The following BBS9 variants were observed in gnomAD, a reference collection of about 807,000 sequenced individuals.
BBS9 encodes protein PTHB1.
Under a neutral mutation model 117.7 loss-of-function variants are expected in BBS9, and 89 were observed. The observed-to-expected ratio is 0.76, with a 90% CI of 0.64 to 0.90. The LOEUF is 0.90. BBS9 is among the 40% of genes least tolerant of loss of function. BBS9 has a pLI of 0.00. For missense variants in BBS9, 982 were observed against 1,042.2 expected (o/e 0.94, Z 0.80); for synonymous variants, 379 against 370.9 (o/e 1.02, Z -0.25).
intron 5 of BBS9, among the ~76,000 whole-genome samples, chr7:33,226,750 C>T (rs552568337): frequency 2.6e-5 from 4 of 152,140 alleles, no homozygotes; most frequent in Non-Finnish European, 5.9e-5. Context: ...ATGGATGAAC[C>T]TTGGAGATAT....
chr7:33,352,937 G>T, intron 15 of BBS9, 64 bp downstream of exon 15: 1 of 1,517,894 alleles, frequency 6.6e-7, no homozygotes, highest in Non-Finnish European at 9.1e-7. Context: ...AATTGAATTG[G>T]TATTATACCA....
intron 9 of BBS9, among the ~76,000 whole-genome samples, chr7:33,289,319 T>C (rs536672884): frequency 1.3e-5 from 2 of 152,338 alleles, no homozygotes; most frequent in Admixed American, 1.3e-4. Flanking sequence ...ACTTGAGTCT[T>C]TGGAAAACTA....
chr7:33,261,397 G>A (rs1031598088), intron 6 of BBS9, among the ~76,000 whole-genome samples: 2 of 152,302 alleles, frequency 1.3e-5, no homozygotes, highest in South Asian at 2.1e-4. Context: ...ATAAAAGAGT[G>A]AAAAGTGTAT....
At chr7:33,151,504 C>T (rs909070163) in intron 2 of BBS9, among the ~76,000 whole-genome samples, 4 of 151,952 alleles carry the variant, frequency 2.6e-5, no homozygotes, top group African/African-American at 7.3e-5. Flanking sequence ...TGTAAGCCTC[C>T]AGTATTGAAG....
intron 9 of BBS9, among the ~76,000 whole-genome samples, chr7:33,320,163 C>A (rs1477044298): frequency 6.6e-6 from 1 of 152,050 alleles, no homozygotes; most frequent in Non-Finnish European, 1.5e-5. Flanking sequence ...ACTTTAGTCA[C>A]CCTGTTGTGC....
intron 19 of BBS9, among the ~76,000 whole-genome samples, chr7:33,473,629 T>C (rs776608615): frequency 7.4e-4 from 113 of 152,322 alleles, no homozygotes; most frequent in Non-Finnish European, 1.3e-3. Context: ...TCAGCCAACA[T>C]TTTAATAAAT....
intron 1 of BBS9, among the ~76,000 whole-genome samples, chr7:33,133,009 T>C (rs1562644600): frequency 6.6e-6 from 1 of 152,210 alleles, no homozygotes; most frequent in Non-Finnish European, 1.5e-5. Context: ...AGGCTGGTCC[T>C]GAACTCCTTA....
chr7:33,529,661 G>A (rs1031394758), intron 20 of BBS9, among the ~76,000 whole-genome samples: 1 of 144,442 alleles, frequency 6.9e-6, no homozygotes, highest in African/African-American at 2.6e-5. Context: ...CCCCACCGCT[G>A]TTGTTTTCTA....
chr7:33,599,159 G>T (rs1333737594), intron 21 of BBS9, among the ~76,000 whole-genome samples: 4 of 152,122 alleles, frequency 2.6e-5, no homozygotes, highest in Non-Finnish European at 5.9e-5. Flanking sequence ...AATTCACCTG[G>T]GGTAGAATCA....
chr7:33,191,730 A>G (rs1350282794), intron 5 of BBS9, among the ~76,000 whole-genome samples: 1 of 152,208 alleles, frequency 6.6e-6, no homozygotes, highest in African/African-American at 2.4e-5. Context: ...TGCTTTGCAA[A>G]ATCATTTGTC....
intron 5 of BBS9, among the ~76,000 whole-genome samples, chr7:33,213,881 C>T (rs1026616207): frequency 3.3e-5 from 5 of 152,062 alleles, no homozygotes; most frequent in African/African-American, 7.2e-5. Context: ...CTTTACTCCT[C>T]GTTCTCTTCT....
chr7:33,133,666 G>A (rs921409923), intron 1 of BBS9, among the ~76,000 whole-genome samples: 16 of 152,088 alleles, frequency 1.1e-4, no homozygotes, highest in African/African-American at 3.4e-4. Flanking sequence ...ATATTCCACT[G>A]TATGGATGCT....
At chr7:33,183,020 A>T (rs1301886212) in intron 5 of BBS9, among the ~76,000 whole-genome samples, 1 of 152,172 alleles carries the variant, frequency 6.6e-6, no homozygotes, top group Non-Finnish European at 1.5e-5. Flanking sequence ...ACATGGAAAG[A>T]GCTGAGTGTC....
At chr7:33,530,393 CTAATA>C (rs1192256786) in intron 20 of BBS9, among the ~76,000 whole-genome samples, 1 of 152,198 alleles carries the variant, frequency 6.6e-6, no homozygotes, top group African/African-American at 2.4e-5. Context: ...CTTAAATTAT[CTAATA>C]TGTTACTGTA....
rs201415758 is a variant in BBS9 at position 33,146,339 on chromosome 7, T to C, written c.87T>C (p.Asn29=). The C allele has an allele frequency of 1.2e-6, 2 of 1,613,916 alleles. No individual in the cohort carries two copies. The highest frequency in any genetic ancestry group is 1.7e-6 in the Non-Finnish European group (2 of 1,179,818). The change falls in exon 2 of 23, where the codon AAT becomes AAC. Residue 29 remains asparagine, a synonymous_variant. Transcript: ENST00000242067. The stretch of plus-strand genomic sequence containing the variant: ...ATCAAGGCTGTTTGTGTCTGGCTAA[T>C]GTTGACAATAGTGGAAATGGACAAG... ...EFDQGCLCLA[N]VDNSGNGQDK... is the part of the protein sequence containing the mutation.
chr7:33,392,929 G>A (rs1389155987), intron 19 of BBS9, among the ~76,000 whole-genome samples: 1 of 152,096 alleles, frequency 6.6e-6, no homozygotes, highest in Non-Finnish European at 1.5e-5. Context: ...ACTTTGGGAG[G>A]CTAAGGCAGA....
At chr7:33,629,390 G>GT (rs2129228027) in intron 21 of BBS9, among the ~76,000 whole-genome samples, 1 of 152,098 alleles carries the variant, frequency 6.6e-6, no homozygotes, top group African/African-American at 2.4e-5. Flanking sequence ...TTGTTTGTTT[G>GT]TTTTTTTAAT....
intron 19 of BBS9, among the ~76,000 whole-genome samples, chr7:33,446,360 T>C (rs745968665): frequency 4.6e-5 from 7 of 152,230 alleles, no homozygotes; most frequent in African/African-American, 7.2e-5. Context: ...ATAGTAAATA[T>C]TAAGTTAACA....
intron 2 of BBS9, among the ~76,000 whole-genome samples, chr7:33,150,420 A>G (rs1793123944): frequency 6.6e-6 from 1 of 152,188 alleles, no homozygotes; most frequent in African/African-American, 2.4e-5. Flanking sequence ...TTCACCTGCA[A>G]TGGGCACAGG....
Sources: gnomAD v4.1 joint callset for allele counts (sites outside exome capture counted in the v4.1 genomes callset) on GRCh38, gnomAD v4.1.1 for gene constraint, MANE v1.5 for transcripts, NCBI Gene and HGNC (gene_info 2026-07-23, HGNC 2026-07-21) for gene names.